The following DGLUCY variants were observed in gnomAD, a reference collection of about 807,000 sequenced individuals.
DGLUCY encodes the protein D-glutamate cyclase.
A neutral mutation model predicts 58.5 loss-of-function variants in DGLUCY; 58 were observed. The ratio of observed to expected loss-of-function variants is 0.99; its 90% CI spans 0.80 to 1.23. The LOEUF (loss-of-function observed/expected upper bound fraction) is 1.23, where lower values mean the gene tolerates loss of function less well. Ranked by LOEUF, DGLUCY falls within the 50% of genes most tolerant of loss-of-function variation. The pLI is 0.00. For synonymous variants in DGLUCY, 325 were observed against 314.1 expected, an observed-to-expected ratio of 1.03 and a Z score of -0.37; for missense variants, 779 against 784.7, an observed-to-expected ratio of 0.99 and a Z score of 0.09.
At chr14:91,114,861 C>T (rs932297823) in intron 1 of DGLUCY, 1 of 152,232 alleles carries the variant, frequency 6.6e-6, no homozygotes, top group Admixed American at 6.5e-5. Context: ...TGTAAATCCT[C>T]GCCAAGTCTT....
chr14:91,170,964 T>G (rs1566981010), intron 5 of DGLUCY, among the ~76,000 whole-genome samples: 1 of 152,214 alleles, frequency 6.6e-6, no homozygotes, highest in Admixed American at 6.5e-5. Flanking sequence ...CAGCTGCCTC[T>G]GATCAGCAAC....
chr14:91,150,218 CAAAAAAAA>C (rs71120121), intron 1 of DGLUCY, among the ~76,000 whole-genome samples: 150 of 64,732 alleles, frequency 2.3e-3, no homozygotes, highest in Admixed American at 3.4e-3. Flanking sequence ...GACTCCATCT[CAAAAAAAA>C]AAAAAAAAAA....
At chr14:91,153,736 T>C (rs1405163854) in intron 1 of DGLUCY, among the ~76,000 whole-genome samples, 1 of 152,180 alleles carries the variant, frequency 6.6e-6, no homozygotes, top group African/African-American at 2.4e-5. Context: ...AGGCAGCCTC[T>C]CCCCTGCAAG....
chr14:91,203,107 C>T (rs925848071), intron 11 of DGLUCY, among the ~76,000 whole-genome samples: 1 of 152,204 alleles, frequency 6.6e-6, no homozygotes, highest in Non-Finnish European at 1.5e-5. Flanking sequence ...CAGTGAGGAT[C>T]ATGATACCCA....
intron 7 of DGLUCY, among the ~76,000 whole-genome samples, chr14:91,177,351 C>T (rs1054275808): frequency 4.6e-5 from 7 of 152,156 alleles, no homozygotes; most frequent in Non-Finnish European, 1.0e-4. Context: ...CCCATTCTAG[C>T]AGGAGGACTA....
chr14:91,061,422 C>T (rs2043678791), intron 1 of DGLUCY, among the ~76,000 whole-genome samples: 3 of 152,220 alleles, frequency 2.0e-5, no homozygotes, highest in African/African-American at 7.2e-5. Context: ...TACAATTCCT[C>T]CCCTAAGCAG....
upstream of DGLUCY, among the ~76,000 whole-genome samples, chr14:91,109,170 G>C (rs1490292523): frequency 1.3e-5 from 2 of 152,114 alleles, no homozygotes; most frequent in Non-Finnish European, 2.9e-5. Context: ...CCGTGACAAT[G>C]GTATTATTTG....
intron 1 of DGLUCY, among the ~76,000 whole-genome samples, chr14:91,137,552 A>ATTTTT (rs55763052): frequency 7.2e-6 from 1 of 139,780 alleles, no homozygotes; most frequent in Non-Finnish European, 1.6e-5. Flanking sequence ...CGCCTGGCTA[A>ATTTTT]TTTTTTTTTT....
chr14:91,188,773 G>A (rs1218545463), intron 8 of DGLUCY, 137 bp from the exon 9 acceptor site: 4 of 980,518 alleles, frequency 4.1e-6, no homozygotes, highest in Non-Finnish European at 5.8e-6. Flanking sequence ...AGGCTGCAGT[G>A]AGCTGTGATC....
intron 7 of DGLUCY, among the ~76,000 whole-genome samples, chr14:91,176,424 C>T (rs1378942209): frequency 2.0e-5 from 3 of 152,058 alleles, no homozygotes; most frequent in African/African-American, 7.2e-5. Context: ...CGGGGTTTCA[C>T]CATGTTGGCC....
At chr14:91,101,205 T>C (rs1427755910) in intron 1 of DGLUCY, among the ~76,000 whole-genome samples, 2 of 152,194 alleles carry the variant, frequency 1.3e-5, no homozygotes, top group Admixed American at 6.5e-5. Flanking sequence ...TTGTTGGCTA[T>C]AGGTACAACG....
chr14:91,160,398 G>GT lies in DGLUCY; in HGVS notation c.103+2dup. ...AGAAATACATCCAGCATGGCTGGAG[G>GT]TAAGTGGTGCCAGATAGTTAAAAAA... On this transcript the variant is annotated splice_donor_variant, in intron 3 of 13. Coordinates refer to ENST00000256324, the MANE Select transcript of DGLUCY (RefSeq NM_001102368.3). LOFTEE classifies it high-confidence loss of function. 1 of 1,364,358 alleles carries GT rather than the reference G, an allele frequency of 7.3e-7. No homozygotes were observed. The highest frequency in any genetic ancestry group is 1.0e-6 in the Non-Finnish European group (1 of 964,574). 84.5% of individuals were successfully genotyped at this position (1,364,358 alleles called of 1,614,324 possible).
chr14:91,209,992 CATA>C (rs1885416690), intron 12 of DGLUCY, among the ~76,000 whole-genome samples: 2 of 152,014 alleles, frequency 1.3e-5, no homozygotes, highest in African/African-American at 4.8e-5. Flanking sequence ...TCAAATAAGA[CATA>C]ATACGCCAGG....
At chr14:91,205,899 A>G (rs973120947) in intron 12 of DGLUCY, among the ~76,000 whole-genome samples, 6 of 119,830 alleles carry the variant, frequency 5.0e-5, no homozygotes, top group Admixed American at 1.1e-4. Flanking sequence ...GGAGTGCAGT[A>G]GTGCCATCTT....
intron 1 of DGLUCY, among the ~76,000 whole-genome samples, chr14:91,152,362 C>T (rs1386890002): frequency 6.6e-6 from 1 of 152,024 alleles, no homozygotes; most frequent in Non-Finnish European, 1.5e-5. Context: ...GCACTACCTG[C>T]ACTCCAGCCT....
intron 1 of DGLUCY, among the ~76,000 whole-genome samples, chr14:91,072,749 C>T (rs959570337): frequency 6.6e-5 from 10 of 151,842 alleles, no homozygotes; most frequent in Non-Finnish European, 1.5e-4. Flanking sequence ...TTGCCAGGTG[C>T]GGTGGCTCAT....
rs74341851 is a variant in DGLUCY, at chr14:91,196,524, A to C, written c.1295+50A>C. On this transcript the variant is annotated intron_variant, in intron 10 of 13. Coordinates refer to ENST00000256324, the MANE Select transcript of DGLUCY (RefSeq NM_001102368.3). ...AGTGGCGGATGGTGGAAACGCCCAT[A>C]TGCTCTTCACTTAGCCAACAAAGTG... 3.2e-3 allele frequency: 4,720 copies of C among 1,473,600 alleles called. 116 individuals are homozygous for C. The African/African-American group carries it at 0.056, about 18-fold the overall frequency. 91.3% of individuals were successfully genotyped at this position (1,473,600 alleles called of 1,614,324 possible). A position where few individuals can be genotyped will look rare whatever the true frequency, so the allele number is the denominator to read the frequency against.
At chr14:91,099,910 C>T (rs1373142273) in intron 1 of DGLUCY, among the ~76,000 whole-genome samples, 4 of 151,888 alleles carry the variant, frequency 2.6e-5, no homozygotes, top group East Asian at 1.9e-4. Context: ...CAAAATTAGC[C>T]GGGCATGGTG....
chr14:91,196,481 A>T lies in DGLUCY; in HGVS notation c.1295+7A>T. On this transcript the variant is annotated splice_region_variant and intron_variant, in intron 10 of 13. Transcript: ENST00000256324. ...GGGACCCGCAGACACCTAGGTACGT[A>T]TGTCGCATCCCAGTTTAAGTGGCGG... The T allele has an allele frequency of 6.2e-7, 1 of 1,612,020 alleles. No homozygotes were observed. Among genetic ancestry groups the T allele is most frequent in the Non-Finnish European group, 8.5e-7 (1 of 1,178,262 alleles).
Sources: gnomAD v4.1 joint callset for allele counts (sites outside exome capture counted in the v4.1 genomes callset) on GRCh38, gnomAD v4.1.1 for gene constraint, MANE v1.5 for transcripts, NCBI Gene and HGNC (gene_info 2026-07-23, HGNC 2026-07-21) for gene names.